NFATC1: variants seen among roughly 807,000 people sequenced by gnomAD.
The protein encoded by NFATC1 is nuclear factor of activated T cells 1, also known as nuclear factor of activated T-cells, cytoplasmic 1.
Under a neutral mutation model 76.0 loss-of-function variants are expected in NFATC1, and 22 were observed. The ratio of observed to expected loss-of-function variants is 0.29; its 90% CI spans 0.21 to 0.41. The LOEUF (loss-of-function observed/expected upper bound fraction) is 0.41. Ranked by LOEUF, NFATC1 falls within the 10% of genes least tolerant of loss-of-function variation. The pLI is 1.00. For missense variants in NFATC1, 1,357 were observed against 1,337.7 expected (o/e 1.01, Z -0.23); for synonymous variants, 704 against 613.1 (o/e 1.15, Z -2.19).
At chr18:79,402,212 G>T (rs1185024263) in intron 1 of NFATC1, 1 of 452,900 alleles carries the variant, frequency 2.2e-6, no homozygotes, top group Non-Finnish European at 2.9e-6. Flanking sequence ...GCTTATCCGG[G>T]AAGACGCACA....
intron 9 of NFATC1, among the ~76,000 whole-genome samples, chr18:79,500,108 A>G (rs1302350257): frequency 1.3e-5 from 2 of 152,196 alleles, no homozygotes; most frequent in South Asian, 2.1e-4. Context: ...AAGACTATCA[A>G]CCAACTTTAC....
intron 2 of NFATC1, among the ~76,000 whole-genome samples, chr18:79,419,593 C>T (rs980577618): frequency 2.0e-5 from 3 of 152,158 alleles, no homozygotes; most frequent in African/African-American, 7.2e-5. Flanking sequence ...AGCTCAGATG[C>T]CCCCGTGGAG....
intron 2 of NFATC1, among the ~76,000 whole-genome samples, chr18:79,426,506 G>T (rs113337144): frequency 8.5e-4 from 130 of 152,362 alleles, no homozygotes; most frequent in African/African-American, 3.1e-3. Context: ...ACCCGTGTCG[G>T]GACTCGCAGG....
chr18:79,508,920 G>T (rs568128982), intron 9 of NFATC1, among the ~76,000 whole-genome samples: 1 of 149,576 alleles, frequency 6.7e-6, no homozygotes, highest in East Asian at 2.0e-4. Flanking sequence ...CTCTCATGGC[G>T]GCCTTTTCTT....
Position 79,465,626 on chromosome 18 carries a change from C to T in NFATC1, c.1960-1824C>T, listed in dbSNP as rs2088446434. Reference sequence around the variant, plus strand: ...TGCTGCCTGTGAGTGCCTCCCGGCCCGTTACTATTTCAGTCTCGGCTTCCA... The same window carrying T: ...TGCTGCCTGTGAGTGCCTCCCGGCCTGTTACTATTTCAGTCTCGGCTTCCA... On this transcript the variant is annotated intron_variant, in intron 7 of 9. Coordinates refer to ENST00000427363, the MANE Select transcript of NFATC1 (RefSeq NM_001278669.2). The surrounding 1 kb of genome is among the most constrained non-coding windows in gnomAD (Gnocchi z 4.2). Among the ~76,000 whole-genome samples the T allele has an allele frequency of 6.6e-6, 1 of 152,240 alleles. No individual in the cohort carries two copies. The highest frequency in any genetic ancestry group is 2.4e-5 in the African/African-American group (1 of 41,456).
At chr18:79,460,100 C>T (rs893200795) in intron 6 of NFATC1, among the ~76,000 whole-genome samples, 3 of 152,294 alleles carry the variant, frequency 2.0e-5, no homozygotes, top group East Asian at 1.9e-4. Context: ...GTGGGGACCT[C>T]GGGCCTCCCG....
At chr18:79,488,096 C>G (rs563882534) in intron 9 of NFATC1, among the ~76,000 whole-genome samples, 1 of 152,148 alleles carries the variant, frequency 6.6e-6, no homozygotes, top group Non-Finnish European at 1.5e-5. Flanking sequence ...CAGGGACTCC[C>G]GGGCGTCAGG....
intron 1 of NFATC1, among the ~76,000 whole-genome samples, chr18:79,398,317 A>G (rs1486909315): frequency 1.3e-5 from 2 of 152,192 alleles, no homozygotes; most frequent in East Asian, 3.9e-4. Context: ...TTAACTTCAC[A>G]GCGTTGTTTC....
chr18:79,407,422 G>A (rs546157425), intron 1 of NFATC1, among the ~76,000 whole-genome samples: 1 of 152,128 alleles, frequency 6.6e-6, no homozygotes, highest in Non-Finnish European at 1.5e-5. Flanking sequence ...CTGTGGCTCT[G>A]GGGAAAGAAA....
intron 2 of NFATC1, 95 bp downstream of exon 2, chr18:79,411,596 C>A: frequency 2.0e-6 from 2 of 1,009,988 alleles, no homozygotes; most frequent in Non-Finnish European, 2.5e-6. Context: ...GCGGGGCGGC[C>A]GTGTCTGGGG....
At chr18:79,402,511 G>T in intron 1 of NFATC1, 2 of 587,966 alleles carry the variant, frequency 3.4e-6, no homozygotes, top group Non-Finnish European at 4.3e-6. Flanking sequence ...GCCCTTCCCC[G>T]GGAGCCCCGC....
chr18:79,510,999 C>G (rs2090235851), intron 9 of NFATC1, among the ~76,000 whole-genome samples: 1 of 152,220 alleles, frequency 6.6e-6, no homozygotes, highest in African/African-American at 2.4e-5. Context: ...CCCAGCCAGG[C>G]TGGGAGTGGT....
Position 79,396,219 on chromosome 18 carries a change from G to A in NFATC1, c.-6G>A. ...CGCCGCTCCACTCCCCGCCGCCGCCGCGCGGATGCCAAGCACCAGCTTTCC... is the reference window on the plus strand; with the variant it reads ...CGCCGCTCCACTCCCCGCCGCCGCCACGCGGATGCCAAGCACCAGCTTTCC... On this transcript the variant is annotated 5_prime_UTR_variant, in exon 1 of 10. Transcript: ENST00000427363. The A allele has an allele frequency of 6.8e-7, 1 of 1,477,686 alleles. No individual in the cohort carries two copies. Among genetic ancestry groups the A allele is most frequent in the Non-Finnish European group, 9.0e-7 (1 of 1,105,236 alleles). The allele number at this position is 1,477,686 out of a possible 1,614,324, so 91.5% of individuals were successfully genotyped here.
At chr18:79,479,249 C>T (rs573666458) in intron 8 of NFATC1, among the ~76,000 whole-genome samples, 1 of 152,262 alleles carries the variant, frequency 6.6e-6, no homozygotes, top group Non-Finnish European at 1.5e-5. Flanking sequence ...CCCAGCCCCT[C>T]ATGGCTGATA....
chr18:79,474,886 G>A lies in NFATC1; in HGVS notation c.2092+7304G>A, dbSNP rs373351836. ...GAAGCGTGTTCTCACGCTCACTGTC[G>A]ACGTTGTAAACCTGAGGGAAGCGTG... On this transcript the variant is annotated intron_variant, in intron 8 of 9. Transcript: ENST00000427363. Among the ~76,000 whole-genome samples, 20 of 145,214 alleles carry A rather than the reference G, an allele frequency of 1.4e-4. No homozygotes were observed. In the East Asian group the frequency reaches 2.7e-3, roughly 20 times the overall value.
At chr18:79,437,383 C>T (rs768591088) in intron 3 of NFATC1, among the ~76,000 whole-genome samples, 3 of 152,174 alleles carry the variant, frequency 2.0e-5, no homozygotes, top group Non-Finnish European at 4.4e-5. Flanking sequence ...AGCAGCGCAG[C>T]CAGCCTCAGC....
At chr18:79,412,784 C>T (rs889349394) in intron 2 of NFATC1, among the ~76,000 whole-genome samples, 4 of 152,346 alleles carry the variant, frequency 2.6e-5, no homozygotes, top group East Asian at 1.9e-4. Context: ...TTTCTACTGG[C>T]GTGATACTTA....
chr18:79,473,196 C>T (rs537412810), intron 8 of NFATC1, among the ~76,000 whole-genome samples: 7 of 152,236 alleles, frequency 4.6e-5, no homozygotes, highest in Non-Finnish European at 1.0e-4. Flanking sequence ...GCCCAGCTGC[C>T]GAGTGCTTCT....
chr18:79,408,481 T>G (rs976703705), intron 1 of NFATC1, among the ~76,000 whole-genome samples: 1 of 152,264 alleles, frequency 6.6e-6, no homozygotes, highest in Non-Finnish European at 1.5e-5. Context: ...TGAGTGTAAT[T>G]AACACATAAT....
Sources: allele counts gnomAD v4.1 joint callset (sites outside exome capture counted in the v4.1 genomes callset), GRCh38; gene constraint gnomAD v4.1.1; non-coding constraint Gnocchi (gnomAD v3.1); transcripts MANE v1.5; gene names NCBI Gene and HGNC (gene_info 2026-07-23, HGNC 2026-07-21).